Variants in RCOR1 observed in about 807,000 individuals in gnomAD.
RCOR1 encodes REST corepressor 1, also known as REST corepressor.
A neutral mutation model predicts 64.0 loss-of-function variants in RCOR1; 12 were observed. The ratio of observed to expected loss-of-function variants is 0.19; its 90% CI spans 0.12 to 0.30. The LOEUF is 0.30. RCOR1 is among the 10% of genes least tolerant of loss of function. The pLI is 1.00. For missense variants in RCOR1, 502 were observed against 621.2 expected (o/e 0.81, Z 2.04); for synonymous variants, 279 against 227.2 (o/e 1.23, Z -2.05).
intron 2 of RCOR1, among the ~76,000 whole-genome samples, chr14:102,617,410 G>A (rs1045879645): frequency 1.3e-5 from 2 of 151,964 alleles, no homozygotes; most frequent in African/African-American, 4.8e-5. Flanking sequence ...AACTCATTAT[G>A]TAAGAAAGTA....
chr14:102,726,406 G>A, intron 11 of RCOR1, 62 bp from the exon 12 acceptor site: 4 of 1,440,732 alleles, frequency 2.8e-6, no homozygotes, highest in Non-Finnish European at 3.8e-6. Context: ...ACTGGAAATA[G>A]CAGCTTGTGT....
chr14:102,632,428 A>G (rs1430413456), intron 2 of RCOR1, among the ~76,000 whole-genome samples: 1 of 147,594 alleles, frequency 6.8e-6, no homozygotes, highest in African/African-American at 2.5e-5. Context: ...CGTGTTCTCG[A>G]TGTCCTGACC....
chr14:102,703,575 A>T (rs1895789839), intron 4 of RCOR1, among the ~76,000 whole-genome samples: 1 of 152,230 alleles, frequency 6.6e-6, no homozygotes, highest in South Asian at 2.1e-4. Context: ...AGAGAAGAAA[A>T]CTGTCAACTA....
chr14:102,695,288 A>G (rs753553362), intron 3 of RCOR1: 1 of 152,226 alleles, frequency 6.6e-6, no homozygotes. Flanking sequence ...AGCTAGATAC[A>G]GTATGTTGAT....
intron 3 of RCOR1, among the ~76,000 whole-genome samples, chr14:102,692,710 CTCCTTCCTTCCTTCCT>C (rs35869950): frequency 3.6e-4 from 43 of 118,708 alleles, no homozygotes; most frequent in African/African-American, 9.0e-4. Flanking sequence ...AACTACATCT[CTCCTTCCTTCCTTCCT>C]TCCTTCCTTC....
chr14:102,614,989 GC>G (rs1262223974), intron 2 of RCOR1, among the ~76,000 whole-genome samples: 2 of 151,776 alleles, frequency 1.3e-5, no homozygotes, highest in African/African-American at 4.8e-5. Context: ...GTGCCACCAT[GC>G]CCAGCTAATT....
chr14:102,627,599 G>T (rs2139906204), intron 2 of RCOR1, among the ~76,000 whole-genome samples: 1 of 151,858 alleles, frequency 6.6e-6, no homozygotes, highest in South Asian at 2.1e-4. Context: ...AGAGGTTGCA[G>T]TGAGCTGAGA....
intron 8 of RCOR1, among the ~76,000 whole-genome samples, chr14:102,715,776 G>A (rs1450708808): frequency 2.6e-5 from 4 of 152,082 alleles, no homozygotes; most frequent in Non-Finnish European, 5.9e-5. Context: ...TTTATGTCTG[G>A]CTTTCTTTCA....
intron 2 of RCOR1, among the ~76,000 whole-genome samples, chr14:102,649,572 G>A (rs970537596): frequency 5.3e-5 from 8 of 152,202 alleles, no homozygotes; most frequent in Admixed American, 4.6e-4. Flanking sequence ...GACAAGCATG[G>A]CTGCCAGGTT....
chr14:102,683,986 C>T (rs12895618), intron 3 of RCOR1, among the ~76,000 whole-genome samples: 1 of 152,246 alleles, frequency 6.6e-6, no homozygotes, highest in Non-Finnish European at 1.5e-5. Flanking sequence ...GAGCAGCCCT[C>T]TCCGCCCCAG....
chr14:102,629,078 C>T (rs1049150746), intron 2 of RCOR1, among the ~76,000 whole-genome samples: 1 of 152,044 alleles, frequency 6.6e-6, no homozygotes, highest in Admixed American at 6.6e-5. Context: ...GTATTCAACA[C>T]GCTGTTTCCT....
intron 2 of RCOR1, among the ~76,000 whole-genome samples, chr14:102,636,246 CTG>C (rs1180937988): frequency 6.6e-6 from 1 of 151,944 alleles, no homozygotes; most frequent in African/African-American, 2.4e-5. Flanking sequence ...CAGTGAGAAA[CTG>C]TTTCTAAAAA....
At chr14:102,607,011 G>T (rs1893525295) in intron 2 of RCOR1, among the ~76,000 whole-genome samples, 1 of 147,082 alleles carries the variant, frequency 6.8e-6, no homozygotes, top group South Asian at 2.1e-4. Context: ...TTAGCTCACT[G>T]CAGCCTCTGC....
chr14:102,615,300 AT>A (rs112023406), intron 2 of RCOR1, among the ~76,000 whole-genome samples: 9 of 142,906 alleles, frequency 6.3e-5, no homozygotes, highest in Admixed American at 1.4e-4. Context: ...GCCTGGCTAA[AT>A]TTTTTTTTTT....
At chr14:102,596,175 C>T (rs1429848061) in intron 2 of RCOR1, among the ~76,000 whole-genome samples, 1 of 151,562 alleles carries the variant, frequency 6.6e-6, no homozygotes, top group Non-Finnish European at 1.5e-5. Context: ...GATCTGGGCT[C>T]ACCGCAACCT....
intron 2 of RCOR1, among the ~76,000 whole-genome samples, chr14:102,664,003 T>G (rs778667565): frequency 2.6e-5 from 4 of 152,232 alleles, no homozygotes; most frequent in Non-Finnish European, 5.9e-5. Context: ...TTGACTTCAG[T>G]AGCATTTGAT....
intron 2 of RCOR1, chr14:102,657,729 T>A (rs1376848743): frequency 1.2e-5 from 5 of 408,162 alleles, no homozygotes; most frequent in Non-Finnish European, 1.6e-5. Context: ...TCCCAGCTAC[T>A]GGGGAGACAG....
intron 2 of RCOR1, among the ~76,000 whole-genome samples, chr14:102,594,883 T>C (rs1475896728): frequency 3.9e-5 from 6 of 152,242 alleles, no homozygotes; most frequent in Non-Finnish European, 2.9e-5. Flanking sequence ...ATTTTCCTAA[T>C]GTATTATTTT....
At chr14:102,624,336 T>G (rs10140434) in intron 2 of RCOR1, among the ~76,000 whole-genome samples, 4,113 of 151,306 alleles carry the variant, frequency 0.027, 189 homozygotes, top group African/African-American at 0.095. Flanking sequence ...AAACCCTACC[T>G]CTACAAAAAA....
Sources: gnomAD v4.1 joint callset for allele counts (sites outside exome capture counted in the v4.1 genomes callset) on GRCh38, gnomAD v4.1.1 for gene constraint, MANE v1.5 for transcripts, NCBI Gene and HGNC (gene_info 2026-07-23, HGNC 2026-07-21) for gene names.